Variants in TMCC1 observed in about 807,000 individuals in gnomAD.
TMCC1 encodes the protein transmembrane and coiled-coil domain family 1, also known as transmembrane and coiled-coil domains protein 1.
A neutral mutation model predicts 52.4 loss-of-function variants in TMCC1; 15 were observed. That is an observed-to-expected ratio of 0.29 (90% CI 0.19 to 0.44). The LOEUF (loss-of-function observed/expected upper bound fraction) is 0.44, where lower values mean the gene tolerates loss of function less well. Among genes scored for constraint, TMCC1 ranks in the 20% least tolerant of loss-of-function variants. TMCC1 has a pLI of 1.00. For synonymous variants in TMCC1, 279 were observed against 301.9 expected (o/e 0.92, Z 0.79); for missense variants, 503 against 806.0 (o/e 0.62, Z 4.55).
intron 4 of TMCC1, among the ~76,000 whole-genome samples, chr3:129,684,647 G>C (rs1055575808): frequency 2.0e-5 from 3 of 152,182 alleles, no homozygotes; most frequent in African/African-American, 7.2e-5. Context: ...CACATGTGAT[G>C]AGCAATGGAA....
chr3:129,892,742 A>T (rs915330757), intron 1 of TMCC1: 2 of 152,190 alleles, frequency 1.3e-5, no homozygotes, highest in African/African-American at 4.8e-5. Context: ...CCTCACCAAG[A>T]ATGTTGTTAA....
chr3:129,804,914 A>G (rs927792926), intron 4 of TMCC1, among the ~76,000 whole-genome samples: 7 of 152,160 alleles, frequency 4.6e-5, no homozygotes, highest in Non-Finnish European at 7.3e-5. Context: ...ATGAATTCCT[A>G]TATTGGACAG....
chr3:129,716,120 T>A (rs2049062268), intron 4 of TMCC1, among the ~76,000 whole-genome samples: 1 of 151,628 alleles, frequency 6.6e-6, no homozygotes, highest in Admixed American at 6.6e-5. Context: ...GCAATGAAAC[T>A]CTCTCTGACC....
chr3:129,809,163 T>C (rs1017303704), intron 4 of TMCC1, among the ~76,000 whole-genome samples: 2 of 146,472 alleles, frequency 1.4e-5, no homozygotes, highest in Non-Finnish European at 3.0e-5. Context: ...AGGAGAGTGG[T>C]GTGAACCCAG....
At chr3:129,861,502 C>A (rs533304435) in intron 2 of TMCC1, among the ~76,000 whole-genome samples, 1 of 152,240 alleles carries the variant, frequency 6.6e-6, no homozygotes, top group East Asian at 1.9e-4. Flanking sequence ...GATTTATAAT[C>A]TCATTGTTAA....
chr3:129,656,178 C>A (rs1048959645), intron 5 of TMCC1, among the ~76,000 whole-genome samples: 1 of 152,144 alleles, frequency 6.6e-6, no homozygotes, highest in Non-Finnish European at 1.5e-5. Context: ...TGTGGAGTCC[C>A]AGGAACTAAA....
At chr3:129,718,831 T>C (rs755720567) in intron 4 of TMCC1, among the ~76,000 whole-genome samples, 10 of 152,224 alleles carry the variant, frequency 6.6e-5, no homozygotes, top group Non-Finnish European at 1.3e-4. Flanking sequence ...ATATAATATA[T>C]AAAATATGTG....
rs1316870518 is a variant in TMCC1, at chr3:129,818,720, C to T, written c.576+9083G>A. Among the ~76,000 whole-genome samples the T allele has an allele frequency of 3.9e-5, 6 of 151,922 alleles. No individual in the cohort carries two copies. In the South Asian group the frequency reaches 1.2e-3, roughly 31 times the overall value. On this transcript the variant is annotated intron_variant, in intron 4 of 6. Transcript: ENST00000393238. Reference sequence around the variant, plus strand: ...ACAAATTGAGCACTGATTTAAAAAACAAAGATATCTGAAGGGCTAATAAAT... The same window carrying T: ...ACAAATTGAGCACTGATTTAAAAAATAAAGATATCTGAAGGGCTAATAAAT...
intron 2 of TMCC1, among the ~76,000 whole-genome samples, chr3:129,845,525 T>TA (rs1179843770): frequency 5.3e-5 from 8 of 152,092 alleles, no homozygotes; most frequent in African/African-American, 1.9e-4. Context: ...CTTTTTGAAA[T>TA]AAAGATACAT....
rs182807696 is a variant in TMCC1 at position 129,711,355 on chromosome 3, G to A, written c.577-40091C>T. On this transcript the variant is annotated intron_variant, in intron 4 of 6. Coordinates refer to ENST00000393238, the MANE Select transcript of TMCC1 (RefSeq NM_001017395.5). ...TTAAAAGTATACATATACATCATAT[G>A]GTAACACCAATTTCACTATAAATTT... Among the ~76,000 whole-genome samples, 205 of 152,008 alleles carry A rather than the reference G, an allele frequency of 1.3e-3. 2 individuals carry two copies. Among genetic ancestry groups the A allele is most frequent in the Admixed American group, 0.011 (166 of 15,276 alleles).
At chr3:129,777,765 A>G (rs2055158992) in intron 4 of TMCC1, among the ~76,000 whole-genome samples, 1 of 152,208 alleles carries the variant, frequency 6.6e-6, no homozygotes, top group Non-Finnish European at 1.5e-5. Flanking sequence ...TGCCTGTTTT[A>G]AAATAAAGAA....
At chr3:129,841,538 G>A (rs2059423079) in intron 2 of TMCC1, among the ~76,000 whole-genome samples, 1 of 152,102 alleles carries the variant, frequency 6.6e-6, no homozygotes, top group African/African-American at 2.4e-5. Flanking sequence ...AGCCAAGATC[G>A]TGTCATTGCA....
At chr3:129,842,504 ACG>A (rs1257572898) in intron 2 of TMCC1, among the ~76,000 whole-genome samples, 1 of 151,456 alleles carries the variant, frequency 6.6e-6, no homozygotes, top group Non-Finnish European at 1.5e-5. Context: ...ACACACACAC[ACG>A]TAAGCAGATA....
intron 6 of TMCC1, among the ~76,000 whole-genome samples, chr3:129,652,849 T>C (rs2108840846): frequency 6.6e-6 from 1 of 152,362 alleles, no homozygotes; most frequent in East Asian, 1.9e-4. Flanking sequence ...TTTCCATGTG[T>C]TGATTTAGGA....
At chr3:129,886,335 T>A (rs1347990559) in intron 1 of TMCC1, among the ~76,000 whole-genome samples, 1 of 152,202 alleles carries the variant, frequency 6.6e-6, no homozygotes, top group Non-Finnish European at 1.5e-5. Context: ...CAGCACTTTA[T>A]CCAAAGTCAA....
At chr3:129,745,178 T>C (rs948049704) in intron 4 of TMCC1, among the ~76,000 whole-genome samples, 4 of 152,236 alleles carry the variant, frequency 2.6e-5, no homozygotes, top group Non-Finnish European at 5.9e-5. Flanking sequence ...CTAGGAAGAT[T>C]TTTATTCAAA....
intron 4 of TMCC1, among the ~76,000 whole-genome samples, chr3:129,743,745 A>C (rs958059424): frequency 1.3e-5 from 2 of 152,228 alleles, no homozygotes; most frequent in Non-Finnish European, 2.9e-5. Flanking sequence ...CCTATCTGCA[A>C]AATGCCCATT....
intron 5 of TMCC1, 36 bp downstream of exon 5, chr3:129,670,294 A>G: frequency 6.3e-7 from 1 of 1,584,970 alleles, no homozygotes; most frequent in Non-Finnish European, 8.6e-7. Flanking sequence ...GGAACCCTAC[A>G]CAAATAATTT....
At chr3:129,675,156 C>G (rs1381852116) in intron 4 of TMCC1, among the ~76,000 whole-genome samples, 5 of 152,188 alleles carry the variant, frequency 3.3e-5, no homozygotes, top group Admixed American at 2.0e-4. Flanking sequence ...TTCTAACTCA[C>G]TCCAGATAGA....
Sources: allele counts gnomAD v4.1 joint callset (sites outside exome capture counted in the v4.1 genomes callset), GRCh38; gene constraint gnomAD v4.1.1; transcripts MANE v1.5; gene names NCBI Gene and HGNC (gene_info 2026-07-23, HGNC 2026-07-21).